Variants in COL5A1 observed in about 807,000 individuals in gnomAD.
The protein encoded by COL5A1 is collagen type V alpha 1 chain.
In COL5A1, 16 loss-of-function variants were observed where a neutral mutation model predicts 263.7. The observed-to-expected ratio is 0.06, with a 90% CI of 0.04 to 0.09. The LOEUF (loss-of-function observed/expected upper bound fraction) is 0.09, where lower values mean the gene tolerates loss of function less well. Among genes scored for constraint, COL5A1 ranks in the 10% least tolerant of loss-of-function variants. The probability of loss-of-function intolerance (pLI) is 1.00; values close to 1 mark genes in which losing one functional copy is unlikely to be tolerated. For missense variants in COL5A1, 2,036 were observed against 2,540.5 expected (o/e 0.80, Z 4.27); for synonymous variants, 1,012 against 1,004.5 (o/e 1.01, Z -0.14).
At chr9:134,646,210 C>T (rs1005974966) in intron 1 of COL5A1, among the ~76,000 whole-genome samples, 3 of 152,158 alleles carry the variant, frequency 2.0e-5, no homozygotes, top group Admixed American at 1.3e-4. Context: ...TCGTTTCCTT[C>T]CAGGAGCTCA....
intron 4 of COL5A1, among the ~76,000 whole-genome samples, chr9:134,702,583 T>C (rs1469029104): frequency 6.6e-6 from 1 of 152,240 alleles, no homozygotes; most frequent in Non-Finnish European, 1.5e-5. Context: ...AGTTCATTTC[T>C]GTGTTAAAGA....
At chr9:134,820,712 A>G (rs1006867557) in intron 58 of COL5A1, among the ~76,000 whole-genome samples, 1 of 152,150 alleles carries the variant, frequency 6.6e-6, no homozygotes, top group Non-Finnish European at 1.5e-5. Flanking sequence ...AGGAAACGCC[A>G]TGCAGAGAGC....
At chr9:134,752,046 G>A (rs891714603) in intron 13 of COL5A1, among the ~76,000 whole-genome samples, 6 of 152,220 alleles carry the variant, frequency 3.9e-5, no homozygotes, top group Admixed American at 6.5e-5. Context: ...CTGCAGAAGC[G>A]GCTCTGTGGG....
At chr9:134,670,689 G>A (rs544618770) in intron 1 of COL5A1, among the ~76,000 whole-genome samples, 3 of 152,314 alleles carry the variant, frequency 2.0e-5, no homozygotes, top group South Asian at 2.1e-4. Context: ...TCACATGCAT[G>A]TAGAGCTTTA....
chr9:134,765,686 A>G lies in COL5A1; in HGVS notation c.2040A>G (p.Pro680=), dbSNP rs1287892120. Residue 680 remains proline (P), a synonymous_variant, in exon 21 of 66, where the codon CCA becomes CCG. Transcript: ENST00000371817. The surrounding 1 kb of genome is among the most constrained non-coding windows in gnomAD (Gnocchi z 5.1). ...TTTTCCCTTTCCTCTTACAGGGGCC[A>G]CGTGGTCTGCTTGGGCCGAAGGGGC... ...GPRGLPGEPG[P]RGLLGPKGPP... 1 of 1,613,686 alleles carries G rather than the reference A, an allele frequency of 6.2e-7. No individual in the cohort carries two copies. The highest frequency in any genetic ancestry group is 8.5e-7 in the Non-Finnish European group (1 of 1,179,686).
In COL5A1 at chr9:134,763,670, C is replaced by T. The variant is rs139624495; in HGVS notation, c.1990-23C>T. 3,929 of 1,613,016 alleles carry T rather than the reference C, an allele frequency of 2.4e-3. 14 individuals are homozygous for T. The highest frequency in any genetic ancestry group is 3.1e-3 in the Non-Finnish European group (3,648 of 1,179,288). ...CAGGCTAACAGCTCATTTCTCTAACCTTGCCTTTTTTCTCCTCTGCAGGGT... is the reference window on the plus strand; with the variant it reads ...CAGGCTAACAGCTCATTTCTCTAACTTTGCCTTTTTTCTCCTCTGCAGGGT... On this transcript the variant is annotated intron_variant, in intron 19 of 65. Transcript: ENST00000371817.
chr9:134,815,385 C>A (rs1219757028), intron 50 of COL5A1, among the ~76,000 whole-genome samples, 191 bp from the exon 51 acceptor site: 2 of 152,238 alleles, frequency 1.3e-5, no homozygotes, highest in Non-Finnish European at 2.9e-5. Flanking sequence ...GCCAGGCTTG[C>A]TGGCTCTGGG....
chr9:134,692,428 A>C (rs1244085006), intron 2 of COL5A1, among the ~76,000 whole-genome samples: 1 of 152,118 alleles, frequency 6.6e-6, no homozygotes, highest in Non-Finnish European at 1.5e-5. Context: ...TTAGCCATGG[A>C]ATCCTCACTT....
Position 134,789,125 on chromosome 9 carries a change from C to T in COL5A1, c.2647-30C>T. 6.2e-7 allele frequency: 1 copy of T among 1,609,582 alleles called. No homozygotes were observed. The highest frequency in any genetic ancestry group is 8.5e-7 in the Non-Finnish European group (1 of 1,177,086). ...AGCATGACTCATTCCTGGCCCAGCTCTGATGCCTCCTCCTTAAACTCTCTT... is the reference window on the plus strand; with the variant it reads ...AGCATGACTCATTCCTGGCCCAGCTTTGATGCCTCCTCCTTAAACTCTCTT... On this transcript the variant is annotated intron_variant, in intron 31 of 65. Coordinates refer to ENST00000371817, the MANE Select transcript of COL5A1 (RefSeq NM_000093.5). The surrounding 1 kb of genome is among the most constrained non-coding windows in gnomAD (Gnocchi z 4.8).
At position 134,812,770 on chromosome 9, in the gene COL5A1, GTGTC is replaced by G. The variant is rs538329277; in HGVS notation, c.3852+62_3852+65del. 65,942 of 927,072 alleles carry G rather than the reference GTGTC, an allele frequency of 0.071. 1,590 individuals carry two copies. The highest frequency in any genetic ancestry group is 0.21 in the African/African-American group (9,237 of 44,664). The allele number at this position is 927,072 out of a possible 1,614,324, so 57.4% of individuals were successfully genotyped here. A position where few individuals can be genotyped will look rare whatever the true frequency, so the allele number is the denominator to read the frequency against. On this transcript the variant is annotated intron_variant, in intron 48 of 65. Transcript: ENST00000371817. ...GCGGTTGTTTGAGGAGTGTGTGTGT[GTGTC>G]TGTGTGTGTGTGTCTGTGTGTATGT... is the stretch of plus-strand genomic sequence containing the variant.
intron 2 of COL5A1, 146 bp from the exon 3 acceptor site, chr9:134,699,762 AG>A: frequency 1.3e-6 from 1 of 785,482 alleles, no homozygotes; most frequent in Non-Finnish European, 2.2e-6. Flanking sequence ...AGTTTGATCA[AG>A]GGGCAGATGT....
Position 134,730,268 on chromosome 9 carries a change from C to A in COL5A1, c.957C>A (p.Pro319=). ...ELTPTPTEAA[P]MPETSEGAGK... The stretch of plus-strand genomic sequence containing the variant: ...CCCCGACCCCCACGGAAGCTGCTCC[C>A]ATGCCTGAAACCAGTGAAGGGGCTG... The change falls in exon 7 of 66, where the codon CCC becomes CCA. Residue 319 remains proline (P), a synonymous_variant. Coordinates refer to ENST00000371817, the MANE Select transcript of COL5A1 (RefSeq NM_000093.5). The A allele has an allele frequency of 6.2e-7, 1 of 1,614,178 alleles. No homozygotes were observed. The highest frequency in any genetic ancestry group is 8.5e-7 in the Non-Finnish European group (1 of 1,180,034).
chr9:134,842,606 A>C lies in COL5A1; in HGVS notation c.*303A>C. On this transcript the variant is annotated 3_prime_UTR_variant, in exon 66 of 66. Coordinates refer to ENST00000371817, the MANE Select transcript of COL5A1 (RefSeq NM_000093.5). This position sits in a 1 kb window ranked among gnomAD's most constrained non-coding sequence, Gnocchi z 5.8. ...AGCGGGGCCATGCCTCCAGCCCCCCAGCTCGCCCGACCCATCCTGTTCGTG... is the reference window on the plus strand; with the variant it reads ...AGCGGGGCCATGCCTCCAGCCCCCCCGCTCGCCCGACCCATCCTGTTCGTG... 1.9e-6 allele frequency: 1 copy of C among 527,042 alleles called. No individual in the cohort carries two copies. Among genetic ancestry groups the C allele is most frequent in the Non-Finnish European group, 3.4e-6 (1 of 291,386 alleles). The allele number at this position is 527,042 out of a possible 1,614,324, so 32.6% of individuals were successfully genotyped here.
chr9:134,756,984 A>G (rs988868474), intron 17 of COL5A1, among the ~76,000 whole-genome samples, 166 bp downstream of exon 17: 1 of 152,158 alleles, frequency 6.6e-6, no homozygotes, highest in African/African-American at 2.4e-5. Context: ...GAATTTCGCC[A>G]GCAAGCGTGA....
chr9:134,796,482 C>G lies in COL5A1; in HGVS notation c.2844+64C>G, dbSNP rs1377478412. On this transcript the variant is annotated intron_variant, in intron 35 of 65. Transcript: ENST00000371817. Reference sequence around the variant, plus strand: ...GAGCCTGCCTCGAATGCCCCCTGCACTTTGTCCTGGGGTGGGCTGGGGCCA... The same window carrying G: ...GAGCCTGCCTCGAATGCCCCCTGCAGTTTGTCCTGGGGTGGGCTGGGGCCA... 2.6e-6 allele frequency: 4 copies of G among 1,548,310 alleles called. No individual in the cohort carries two copies. The East Asian group carries it at 6.7e-5, about 26-fold the overall frequency.
intron 38 of COL5A1, 72 bp downstream of exon 38, chr9:134,802,079 C>CGG (rs1291009956): frequency 1.5e-5 from 22 of 1,451,632 alleles, no homozygotes; most frequent in Non-Finnish European, 2.1e-5. Flanking sequence ...GGTCCCAGCC[C>CGG]GGGCATCTGT....
At chr9:134,770,023 G>A (rs7855561) in intron 25 of COL5A1, among the ~76,000 whole-genome samples, 49,013 of 152,050 alleles carry the variant, frequency 0.32, 8,200 homozygotes, top group East Asian at 0.42. Context: ...GGCCTTTAAG[G>A]TGTCCCTTCC....
rs1308400768 is a variant in COL5A1 at position 134,824,530 on chromosome 9, C to G, written c.4699-70C>G. The G allele has an allele frequency of 5.0e-6, 8 of 1,598,872 alleles. No homozygotes were observed. In the Admixed American group the frequency reaches 5.0e-5, roughly 10 times the overall value. ...CCTGCAGATGTGGCCCCAGCTGTCC[C>G]TGCTCTGCTCATATCCTGGGACCCT... is the stretch of plus-strand genomic sequence containing the variant. On this transcript the variant is annotated intron_variant, in intron 61 of 65. Transcript: ENST00000371817.
chr9:134,829,707 C>G (rs566483579), intron 63 of COL5A1, among the ~76,000 whole-genome samples: 1 of 152,028 alleles, frequency 6.6e-6, no homozygotes, highest in African/African-American at 2.4e-5. Context: ...CGGCTCCTCA[C>G]GTGGCCTCTA....
Sources: allele counts gnomAD v4.1 joint callset (sites outside exome capture counted in the v4.1 genomes callset), GRCh38; gene constraint gnomAD v4.1.1; non-coding constraint Gnocchi (gnomAD v3.1); transcripts MANE v1.5; gene names NCBI Gene and HGNC (gene_info 2026-07-23, HGNC 2026-07-21).